TYW1: variants seen among roughly 807,000 people sequenced by gnomAD.
The protein encoded by TYW1 is S-adenosyl-L-methionine-dependent tRNA 4-demethylwyosine synthase TYW1.
A neutral mutation model predicts 96.2 loss-of-function variants in TYW1; 46 were observed. The ratio of observed to expected loss-of-function variants is 0.48; its 90% CI spans 0.38 to 0.61. TYW1 has a LOEUF of 0.61. Among genes scored for constraint, TYW1 ranks in the 20% least tolerant of loss-of-function variants. The probability of loss-of-function intolerance (pLI) is 0.00; values close to 1 mark genes in which losing one functional copy is unlikely to be tolerated. For synonymous variants in TYW1, 274 were observed against 323.0 expected, an observed-to-expected ratio of 0.85 and a Z score of 1.63; for missense variants, 684 against 909.6, an observed-to-expected ratio of 0.75 and a Z score of 3.19.
At chr7:67,079,950 ATACT>A (rs1796329780) in intron 10 of TYW1, among the ~76,000 whole-genome samples, 1 of 152,196 alleles carries the variant, frequency 6.6e-6, no homozygotes, top group Non-Finnish European at 1.5e-5. Context: ...GTCCAAAAAC[ATACT>A]TGATAGGATT....
At chr7:67,167,825 G>A (rs999998993) in intron 13 of TYW1, among the ~76,000 whole-genome samples, 1 of 152,000 alleles carries the variant, frequency 6.6e-6, no homozygotes, top group African/African-American at 2.4e-5. Flanking sequence ...CGCGATCTCA[G>A]TTCACTGCAA....
rs146554650 is a variant in TYW1, at chr7:67,054,151, A to G, written c.1103-1684A>G. ...TTTGGTATTTCAAGTAGGATTGTAA[A>G]TCCTCTTTGTTATTCCATCTTGGCT... On this transcript the variant is annotated intron_variant, in intron 8 of 15. Transcript: ENST00000359626. 4.7e-3 allele frequency among the ~76,000 whole-genome samples: 715 copies of G among 152,274 alleles called. 6 individuals carry two copies. The highest frequency in any genetic ancestry group is 0.016 in the African/African-American group (664 of 41,552).
intron 10 of TYW1, among the ~76,000 whole-genome samples, chr7:67,075,075 TA>T (rs1796161051): frequency 6.6e-6 from 1 of 152,232 alleles, no homozygotes; most frequent in South Asian, 2.1e-4. Context: ...CAACATGATG[TA>T]CATAGATGTG....
intron 15 of TYW1, among the ~76,000 whole-genome samples, chr7:67,216,858 T>A (rs926222413): frequency 6.6e-6 from 1 of 151,964 alleles, no homozygotes; most frequent in South Asian, 2.1e-4. Context: ...TAGTATTTTT[T>A]AATCTGTCAT....
intron 13 of TYW1, among the ~76,000 whole-genome samples, chr7:67,127,515 A>G (rs887602531): frequency 1.1e-4 from 17 of 152,146 alleles, no homozygotes; most frequent in African/African-American, 4.1e-4. Flanking sequence ...TATCATTGCC[A>G]TCACTCATTT....
intron 6 of TYW1, among the ~76,000 whole-genome samples, chr7:67,022,853 G>C (rs185473554): frequency 6.6e-6 from 1 of 152,324 alleles, no homozygotes; most frequent in East Asian, 1.9e-4. Context: ...GAGAACCAGA[G>C]AGCCAGCCAC....
intron 14 of TYW1, among the ~76,000 whole-genome samples, chr7:67,192,300 G>A (rs1419704327): frequency 1.3e-5 from 2 of 152,220 alleles, no homozygotes; most frequent in Non-Finnish European, 2.9e-5. Context: ...ATGAACCGCA[G>A]CAGGCATTCT....
intron 13 of TYW1, among the ~76,000 whole-genome samples, chr7:67,118,871 C>G: frequency 7.6e-6 from 1 of 132,194 alleles, no homozygotes; most frequent in South Asian, 2.4e-4. Context: ...CAGTGAGACC[C>G]CTATCTGAAA....
intron 7 of TYW1, among the ~76,000 whole-genome samples, chr7:67,041,976 A>G (rs1303298553): frequency 1.3e-5 from 2 of 148,470 alleles, no homozygotes; most frequent in Admixed American, 6.8e-5. Flanking sequence ...ATATAATAAC[A>G]TTATATTCTA....
At chr7:67,167,974 C>A (rs1330165564) in intron 13 of TYW1, among the ~76,000 whole-genome samples, 1 of 152,010 alleles carries the variant, frequency 6.6e-6, no homozygotes. Flanking sequence ...AGGCTTGTCT[C>A]GAACTCCTGA....
intron 3 of TYW1, among the ~76,000 whole-genome samples, chr7:67,001,082 C>T (rs1377785107): frequency 6.6e-6 from 1 of 150,754 alleles, no homozygotes; most frequent in African/African-American, 2.4e-5. Context: ...CATGTTTTTA[C>T]CTTTTTAAAA....
chr7:67,123,856 G>A (rs1453582746), intron 13 of TYW1, among the ~76,000 whole-genome samples: 5 of 152,218 alleles, frequency 3.3e-5, no homozygotes, highest in Non-Finnish European at 5.9e-5. Flanking sequence ...AGCTTTACCA[G>A]TTGGTCTTTA....
chr7:67,023,626 G>A (rs1388650019), intron 6 of TYW1, among the ~76,000 whole-genome samples: 1 of 151,892 alleles, frequency 6.6e-6, no homozygotes, highest in Non-Finnish European at 1.5e-5. Context: ...AAATTAGCTG[G>A]GTGTGATGGT....
chr7:67,008,621 T>A (rs1346341138), intron 3 of TYW1, among the ~76,000 whole-genome samples: 1 of 152,206 alleles, frequency 6.6e-6, no homozygotes, highest in African/African-American at 2.4e-5. Flanking sequence ...AACCGGCTTC[T>A]TTTCATGTTT....
intron 15 of TYW1, among the ~76,000 whole-genome samples, chr7:67,223,370 G>C (rs1017772779): frequency 9.2e-5 from 14 of 152,076 alleles, no homozygotes; most frequent in Non-Finnish European, 1.3e-4. Flanking sequence ...ATTGAAGGCT[G>C]TCTCTGTGCC....
intron 15 of TYW1, among the ~76,000 whole-genome samples, chr7:67,220,826 C>T (rs1448296474): frequency 6.6e-6 from 1 of 151,836 alleles, no homozygotes; most frequent in Non-Finnish European, 1.5e-5. Context: ...CAACCTCCAC[C>T]TCCCAGGTTC....
chr7:67,163,128 A>G (rs1420801758), intron 13 of TYW1, among the ~76,000 whole-genome samples: 2 of 152,170 alleles, frequency 1.3e-5, no homozygotes, highest in African/African-American at 4.8e-5. Flanking sequence ...CTCAGGGCAC[A>G]TATCATTTTC....
rs1796999445 is a variant in TYW1 at position 67,098,733 on chromosome 7, C to T, written c.1562+15C>T. 2 of 1,593,314 alleles carry T rather than the reference C, an allele frequency of 1.3e-6. No individual in the cohort carries two copies. The highest frequency in any genetic ancestry group is 3.7e-5 in the Admixed American group (2 of 54,602). On this transcript the variant is annotated intron_variant, in intron 12 of 15. Coordinates refer to ENST00000359626, the MANE Select transcript of TYW1 (RefSeq NM_018264.4). Reference sequence around the variant, plus strand: ...GCGGAAATCAGGTGAGTTCTCCAGCCTATGGAGAGATGCTGCTTGAATCTA... The same window carrying T: ...GCGGAAATCAGGTGAGTTCTCCAGCTTATGGAGAGATGCTGCTTGAATCTA...
intron 13 of TYW1, among the ~76,000 whole-genome samples, chr7:67,158,560 A>G (rs1329656588): frequency 1.3e-5 from 2 of 151,856 alleles, no homozygotes; most frequent in Non-Finnish European, 2.9e-5. Flanking sequence ...GTCAGCAGGT[A>G]TATTATTATT....
Sources: gnomAD v4.1 joint callset for allele counts (sites outside exome capture counted in the v4.1 genomes callset) on GRCh38, gnomAD v4.1.1 for gene constraint, MANE v1.5 for transcripts, NCBI Gene and HGNC (gene_info 2026-07-23, HGNC 2026-07-21) for gene names.